Variants in COBL observed in about 807,000 individuals in gnomAD.
The protein encoded by COBL is protein cordon-bleu.
In COBL, 51 loss-of-function variants were observed where a neutral mutation model predicts 98.8. The observed-to-expected ratio is 0.52, with a 90% confidence interval of 0.41 to 0.65. The LOEUF (loss-of-function observed/expected upper bound fraction) is 0.65, where lower values mean the gene tolerates loss of function less well. Ranked by LOEUF, COBL falls within the 30% of genes least tolerant of loss-of-function variation. The pLI is 0.00. For missense variants in COBL, 1,617 were observed against 1,617.5 expected, an observed-to-expected ratio of 1.00 and a Z score of 0.01; for synonymous variants, 634 against 651.7, an observed-to-expected ratio of 0.97 and a Z score of 0.41.
At chr7:51,151,840 G>C (rs77231629) in intron 5 of COBL, among the ~76,000 whole-genome samples, 12 of 152,352 alleles carry the variant, frequency 7.9e-5, no homozygotes, top group Non-Finnish European at 1.6e-4. Context: ...GCTCAGGCTA[G>C]ACACACAGCG....
chr7:51,235,426 G>A lies in COBL; in HGVS notation c.42-15482C>T, dbSNP rs142800368. On this transcript the variant is annotated intron_variant, in intron 1 of 12. Transcript: ENST00000265136. ...GCAGCTGCCCTGCATCTCTTCCTAC[G>A]TCCAAGAACCTCTTGGGCCCTTCCT... Among the ~76,000 whole-genome samples the A allele has an allele frequency of 3.5e-3, 526 of 152,236 alleles. 5 individuals are homozygous for A. The highest frequency in any genetic ancestry group is 9.6e-3 in the African/African-American group (399 of 41,526).
Position 51,140,222 on chromosome 7 carries a change from T to C in COBL, c.784-3891A>G, listed in dbSNP as rs80130300. On this transcript the variant is annotated intron_variant, in intron 5 of 12. Coordinates refer to ENST00000265136, the MANE Select transcript of COBL (RefSeq NM_015198.5). The stretch of plus-strand genomic sequence containing the variant: ...CTTCATGGGACTTAGGTTGGTGGGA[T>C]TTAAACTTCCTCCAGGCCAGCTGCT... 2.2e-3 allele frequency among the ~76,000 whole-genome samples: 340 copies of C among 152,200 alleles called. 3 individuals carry two copies. The South Asian group carries it at 0.036, about 16-fold the overall frequency.
chr7:51,156,589 G>A, intron 5 of COBL: 1 of 984,922 alleles, frequency 1.0e-6, no homozygotes, highest in Non-Finnish European at 1.2e-6. Flanking sequence ...AGAATTCTCT[G>A]ATCCTTCTCA....
In COBL at chr7:51,028,719, AG is replaced by A; in HGVS notation, c.2376del (p.Ser793ProfsTer37). 1.2e-6 allele frequency: 2 copies of A among 1,613,876 alleles called. No individual in the cohort carries two copies. The highest frequency in any genetic ancestry group is 1.7e-6 in the Non-Finnish European group (2 of 1,179,920). On this transcript the variant is annotated frameshift_variant, in exon 10 of 13. Coordinates refer to ENST00000265136, the MANE Select transcript of COBL (RefSeq NM_015198.5). LOFTEE classifies it high-confidence loss of function. ...TGCGTCTGCGTGGGCACAGGGGTGG[AG>A]GGGGGTCCCCTGGCAGAGCTCTCTG... is the stretch of plus-strand genomic sequence containing the variant. Reference protein sequence around the residue: ...RPSESSARGPPSTPVPTQTQN... With the variant: ...RPSESSARGPXSTPVPTQTQN...
intron 6 of COBL, among the ~76,000 whole-genome samples, chr7:51,128,031 A>G (rs1798388448): frequency 6.6e-6 from 1 of 152,238 alleles, no homozygotes; most frequent in African/African-American, 2.4e-5. Context: ...TAGTTTGTGT[A>G]TATGATCTGA....
chr7:51,123,159 C>T (rs1797898569), intron 6 of COBL, among the ~76,000 whole-genome samples: 1 of 152,076 alleles, frequency 6.6e-6, no homozygotes, highest in African/African-American at 2.4e-5. Flanking sequence ...TGGGTAAAGC[C>T]AAAACAAAAG....
chr7:51,074,790 G>C (rs1437877054), intron 7 of COBL, among the ~76,000 whole-genome samples: 1 of 152,062 alleles, frequency 6.6e-6, no homozygotes, highest in Non-Finnish European at 1.5e-5. Context: ...GTGGTATTTT[G>C]GTAAATGGTT....
At chr7:51,164,359 T>C (rs1172019419) in intron 5 of COBL, among the ~76,000 whole-genome samples, 3 of 151,886 alleles carry the variant, frequency 2.0e-5, no homozygotes, top group African/African-American at 7.3e-5. Context: ...AAAGAAAGGA[T>C]CCTAAAAGCA....
rs1793449780 is a variant in COBL at position 51,219,831 on chromosome 7, A to G, written c.155T>C (p.Val52Ala). 6.2e-7 allele frequency: 1 copy of G among 1,614,062 alleles called. No individual in the cohort carries two copies. Among genetic ancestry groups the G allele is most frequent in the East Asian group, 2.2e-5 (1 of 44,858 alleles). The change falls in exon 2 of 13, where the codon GTT becomes GCT. Residue 52 changes from valine to alanine, a missense_variant. Physicochemically the swap from Val to Ala is moderately conservative, Grantham distance 64 (BLOSUM62 0). Around this residue, in one of 3 missense-constraint regions of COBL, gnomAD observed 238 missense variants for 215.0 expected, o/e 1.11. Coordinates refer to ENST00000265136, the MANE Select transcript of COBL (RefSeq NM_015198.5). ...DGALGSQQNL[V>A]RMKEALRAST... ...GGCCCTCAGCGCCTCCTTCATGCGA[A>G]CCAAGTTCTGCTGCGACCCGAGGGC...
rs763462751 is a variant in COBL, at chr7:51,028,853, C to T, written c.2243G>A (p.Arg748Lys). The T allele has an allele frequency of 6.2e-7, 1 of 1,614,236 alleles. No homozygotes were observed. The highest frequency in any genetic ancestry group is 1.1e-5 in the South Asian group (1 of 91,084). The change falls in exon 10 of 13, where the codon AGG becomes AAG. Residue 748 changes from arginine (R) to lysine (K), a missense_variant. Physicochemically the swap from Arg to Lys is conservative, Grantham distance 26. Coordinates refer to ENST00000265136, the MANE Select transcript of COBL (RefSeq NM_015198.5). Reference protein sequence around the residue: ...NLVSPHATGIRIISLSSSVPE... With the variant: ...NLVSPHATGIKIISLSSSVPE... ...CACAGACGAAGACAGGGAAATGATC[C>T]TGATGCCGGTGGCGTGAGGACTCAC...
At chr7:51,093,609 C>A (rs1053221837) in intron 6 of COBL, among the ~76,000 whole-genome samples, 1 of 152,206 alleles carries the variant, frequency 6.6e-6, no homozygotes, top group African/African-American at 2.4e-5. Flanking sequence ...ACTATCCCCA[C>A]AGCAGGGCAC....
At chr7:51,129,891 C>T (rs190812454) in intron 6 of COBL, among the ~76,000 whole-genome samples, 6 of 152,178 alleles carry the variant, frequency 3.9e-5, no homozygotes, top group East Asian at 1.9e-4. Flanking sequence ...GTTGCTCTAG[C>T]GAAGGTGTAA....
chr7:51,074,689 A>G (rs900853178), intron 7 of COBL, among the ~76,000 whole-genome samples: 2 of 152,240 alleles, frequency 1.3e-5, no homozygotes, highest in Admixed American at 6.5e-5. Flanking sequence ...TTGAGCACTC[A>G]TGAAAATCAA....
At chr7:51,145,933 G>A (rs1784989217) in intron 5 of COBL, among the ~76,000 whole-genome samples, 1 of 152,162 alleles carries the variant, frequency 6.6e-6, no homozygotes, top group Non-Finnish European at 1.5e-5. Context: ...CTAGGCATCT[G>A]TGTTTGGGAA....
At chr7:51,113,252 T>G (rs951086955) in intron 6 of COBL, among the ~76,000 whole-genome samples, 1 of 152,354 alleles carries the variant, frequency 6.6e-6, no homozygotes, top group Middle Eastern at 3.4e-3. Flanking sequence ...TGCAAAGTAC[T>G]ACTCAGAATA....
At chr7:51,075,200 T>C (rs1187434387) in intron 7 of COBL, among the ~76,000 whole-genome samples, 3 of 152,362 alleles carry the variant, frequency 2.0e-5, no homozygotes, top group East Asian at 3.9e-4. Context: ...AGATATGACA[T>C]ACTTTTCTAT....
At chr7:51,280,223 G>A (rs189893376) in intron 1 of COBL, among the ~76,000 whole-genome samples, 18 of 152,234 alleles carry the variant, frequency 1.2e-4, no homozygotes, top group African/African-American at 4.8e-5. Context: ...CTGGGCAGTG[G>A]GCAATGGCTT....
intron 2 of COBL, among the ~76,000 whole-genome samples, chr7:51,208,459 G>A (rs568858132): frequency 5.5e-5 from 8 of 144,958 alleles, no homozygotes; most frequent in South Asian, 2.2e-4. Flanking sequence ...CCCCCCGCCC[G>A]GCCAGCCACC....
intron 7 of COBL, among the ~76,000 whole-genome samples, chr7:51,057,283 T>C (rs891648335): frequency 2.0e-5 from 3 of 151,902 alleles, no homozygotes; most frequent in Admixed American, 6.6e-5. Context: ...ATCACAGGTA[T>C]GTATGCATAG....
Sources: gnomAD v4.1 joint callset for allele counts (sites outside exome capture counted in the v4.1 genomes callset) on GRCh38, gnomAD v4.1.1 for gene constraint, gnomAD v4.1.1 regional missense constraint, MANE v1.5 for transcripts, NCBI Gene and HGNC (gene_info 2026-07-23, HGNC 2026-07-21) for gene names.